IAH1: variants seen among roughly 807,000 people sequenced by gnomAD.
The protein encoded by IAH1 is isoamyl acetate-hydrolyzing esterase 1 homolog.
A neutral mutation model predicts 26.7 loss-of-function variants in IAH1; 24 were observed. The ratio of observed to expected loss-of-function variants is 0.90; its 90% CI spans 0.65 to 1.26. The LOEUF is 1.26. IAH1 is among the 50% of genes most tolerant of loss of function. The pLI, the probability that IAH1 is intolerant of heterozygous loss-of-function variation, is 0.00. For missense variants in IAH1, 300 were observed against 299.9 expected (o/e 1.00, Z 0.00); for synonymous variants, 140 against 118.5 (o/e 1.18, Z -1.18).
At chr2:9,487,131 C>T (rs759431809) in intron 5 of IAH1, among the ~76,000 whole-genome samples, 3 of 152,048 alleles carry the variant, frequency 2.0e-5, no homozygotes, top group Non-Finnish European at 2.9e-5. Flanking sequence ...GTCCCAGCTG[C>T]TCAGGGGGCT....
chr2:9,474,501 A>T, upstream of IAH1: 1 of 1,000,140 alleles, frequency 1.0e-6, no homozygotes, highest in Non-Finnish European at 1.3e-6. This position sits in a 1 kb window ranked among gnomAD's most constrained non-coding sequence, Gnocchi z 4.3. Context: ...CCCGCAACCC[A>T]CGGGCGGCCA....
downstream of IAH1, among the ~76,000 whole-genome samples, chr2:9,491,364 C>T (rs1662132077): frequency 6.6e-6 from 1 of 152,192 alleles, no homozygotes; most frequent in African/African-American, 2.4e-5. Flanking sequence ...AAAGGAAATA[C>T]ATTTTGGCGT....
At chr2:9,486,000 C>T (rs563680177) in intron 5 of IAH1, 1 of 152,330 alleles carries the variant, frequency 6.6e-6, no homozygotes, top group South Asian at 2.1e-4. Context: ...CTATTCCTAG[C>T]TGTTAGGTTT....
chr2:9,482,391 G>C (rs1005536484), intron 4 of IAH1, among the ~76,000 whole-genome samples: 1 of 152,216 alleles, frequency 6.6e-6, no homozygotes, highest in Non-Finnish European at 1.5e-5. Flanking sequence ...TTGCAACACA[G>C]AACAGCTATT....
At position 9,488,247 on chromosome 2, in the gene IAH1, C is replaced by T. The variant is rs775085038; in HGVS notation, c.665C>T (p.Ser222Phe). The T allele has an allele frequency of 5.0e-6, 8 of 1,613,746 alleles. No individual in the cohort carries two copies. Among genetic ancestry groups the T allele is most frequent in the Non-Finnish European group, 5.1e-6 (6 of 1,179,878 alleles). Residue 222 changes from serine to phenylalanine, a missense_variant, in exon 6 of 6, where the codon TCT (serine) becomes TTT (phenylalanine). By Grantham distance (155) the Ser-to-Phe change is radical (BLOSUM62 -2). Coordinates refer to ENST00000497473, the MANE Select transcript of IAH1 (RefSeq NM_001039613.3). ...CCTTTGATAGAGAAAAAGGTCTCTT[C>T]TCTACCTTTGCTGCTTCCTTACTGG... The part of the protein sequence containing the change: ...LWPLIEKKVS[S>F]LPLLLPYWRD...
intron 2 of IAH1, among the ~76,000 whole-genome samples, chr2:9,476,901 CAG>C (rs1233230957): frequency 6.6e-6 from 1 of 152,146 alleles, no homozygotes; most frequent in Non-Finnish European, 1.5e-5. Flanking sequence ...AGCTTGGGCT[CAG>C]AGGCCTGACA....
chr2:9,510,663 C>CAAAA, the IAH1 span, among the ~76,000 whole-genome samples: 1 of 84,818 alleles, frequency 1.2e-5, no homozygotes, highest in South Asian at 4.0e-4. Context: ...GACTTCGTCT[C>CAAAA]AAAAAAAAAA....
At chr2:9,490,479 G>A (rs748342054), downstream of IAH1, 61 of 1,613,936 alleles carry the variant, frequency 3.8e-5, no homozygotes, top group South Asian at 4.0e-4. Flanking sequence ...TTGATAATGC[G>A]AACCGATGCA....
rs34525911 is a variant in IAH1 at position 9,489,259 on chromosome 2, A to ATTTTTTTTTTT, written c.*944_*954dup. ...AATATTCTAGGTTTGTAGATAGTGAATTTTTTTTTTTTTTTTTTTTTTTTG... is the reference window on the plus strand; with the variant it reads ...AATATTCTAGGTTTGTAGATAGTGAATTTTTTTTTTTTTTTTTTTTTTTTTTTTTTTTTTTG... On this transcript the variant is annotated 3_prime_UTR_variant, in exon 6 of 6. Coordinates refer to ENST00000497473, the MANE Select transcript of IAH1 (RefSeq NM_001039613.3). The ATTTTTTTTTTT allele has an allele frequency of 7.4e-4, 65 of 87,394 alleles. 5 individuals are homozygous for ATTTTTTTTTTT. The highest frequency in any genetic ancestry group is 4.1e-3 in the African/African-American group (64 of 15,524). 5.4% of individuals were successfully genotyped at this position (87,394 alleles called of 1,614,324 possible).
At chr2:9,497,352 C>A, downstream of IAH1, 1 of 1,468,362 alleles carries the variant, frequency 6.8e-7, no homozygotes, top group Non-Finnish European at 9.2e-7. Flanking sequence ...TCTTACCTTG[C>A]AAAAGCAAAA....
chr2:9,504,870 T>G, the IAH1 span, among the ~76,000 whole-genome samples: 98 of 152,070 alleles, frequency 6.4e-4, 1 homozygote, highest in Middle Eastern at 0.01. Flanking sequence ...CCAGAAAGCT[T>G]CTTCTTTTCT....
downstream of IAH1, chr2:9,489,880 GTAAA>G (rs1246812797): frequency 3.7e-6 from 1 of 273,942 alleles, no homozygotes; most frequent in Non-Finnish European, 6.9e-6. Flanking sequence ...TTACAAAAAC[GTAAA>G]TATTCATAAC....
downstream of IAH1, chr2:9,489,873 C>A: frequency 8.0e-6 from 2 of 249,430 alleles, no homozygotes; most frequent in Non-Finnish European, 1.6e-5. Flanking sequence ...GATTAATTTA[C>A]AAAAACGTAA....
downstream of IAH1, chr2:9,490,439 C>G: frequency 6.2e-7 from 1 of 1,614,112 alleles, no homozygotes; most frequent in Non-Finnish European, 8.5e-7. Flanking sequence ...AGGCTGCAGG[C>G]GGCCTGGAGT....
At chr2:9,484,822 G>A (rs1661384306) in intron 5 of IAH1, 1 of 351,080 alleles carries the variant, frequency 2.8e-6, no homozygotes, top group South Asian at 5.6e-5. Context: ...TGAACGTCCA[G>A]GCCAAGTTCT....
the IAH1 span, among the ~76,000 whole-genome samples, chr2:9,508,962 A>G: frequency 1.3e-5 from 2 of 150,748 alleles, no homozygotes; most frequent in Non-Finnish European, 3.0e-5. Context: ...GCCAAAGAAA[A>G]TGAGATGCAG....
the IAH1 span, chr2:9,509,978 C>A: frequency 1.2e-6 from 2 of 1,613,856 alleles, no homozygotes; most frequent in South Asian, 1.1e-5. Flanking sequence ...CACACACATA[C>A]CTTATTGTTC....
At chr2:9,494,276 A>G (rs1572879634), downstream of IAH1, among the ~76,000 whole-genome samples, 1 of 152,228 alleles carries the variant, frequency 6.6e-6, no homozygotes, top group Non-Finnish European at 1.5e-5. Context: ...TTTCCTACTC[A>G]TTCAGCACCT....
At chr2:9,508,110 T>C in the IAH1 span, among the ~76,000 whole-genome samples, 1 of 152,136 alleles carries the variant, frequency 6.6e-6, no homozygotes, top group Non-Finnish European at 1.5e-5. Context: ...AAGTAAAACA[T>C]TTTGCTCCCA....
Sources: gnomAD v4.1 joint callset for allele counts (sites outside exome capture counted in the v4.1 genomes callset) on GRCh38, gnomAD v4.1.1 for gene constraint, Gnocchi (gnomAD v3.1) non-coding constraint, MANE v1.5 for transcripts, NCBI Gene and HGNC (gene_info 2026-07-23, HGNC 2026-07-21) for gene names.